The following ZSCAN2 variants were observed in gnomAD, a reference collection of about 807,000 sequenced individuals.
The protein encoded by ZSCAN2 is zinc finger and SCAN domain containing 2, also known as zinc finger and SCAN domain-containing protein 2.
Under a neutral mutation model 47.8 loss-of-function variants are expected in ZSCAN2, and 26 were observed. The ratio of observed to expected loss-of-function variants is 0.54; its 90% CI spans 0.40 to 0.75. The LOEUF is 0.75. Ranked by LOEUF, ZSCAN2 falls within the 30% of genes least tolerant of loss-of-function variation. The pLI is 0.00. For missense variants in ZSCAN2, 732 were observed against 785.4 expected, an observed-to-expected ratio of 0.93 and a Z score of 0.81; for synonymous variants, 305 against 288.7, an observed-to-expected ratio of 1.06 and a Z score of -0.57.
chr15:84,612,524 G>A (rs1345761755), intron 2 of ZSCAN2, among the ~76,000 whole-genome samples: 1 of 152,194 alleles, frequency 6.6e-6, no homozygotes, highest in Non-Finnish European at 1.5e-5. Context: ...CACGAGGTCA[G>A]GAGATCGAGA....
At chr15:84,616,452 C>G (rs1186399034) in intron 2 of ZSCAN2, 12 of 1,549,484 alleles carry the variant, frequency 7.7e-6, no homozygotes, top group Non-Finnish European at 9.6e-6. Flanking sequence ...TTTCTGAGTT[C>G]TGTTCCCTCC....
rs1555416976 is a variant in ZSCAN2, at chr15:84,614,006, T to TC, written c.407-6595dup. 6.9e-3 allele frequency among the ~76,000 whole-genome samples: 803 copies of TC among 116,150 alleles called. 52 individuals carry two copies. Among genetic ancestry groups the TC allele is most frequent in the East Asian group, 0.017 (54 of 3,146 alleles). The allele number at this position is 116,150 out of a possible 152,430, so 76.2% of individuals were successfully genotyped here. ...CTTTTTTTTTTTTTTTTTTTTTTTT[T>TC]CAGAGACAGAGTCTCACTCTGTCAC... On this transcript the variant is annotated intron_variant, in intron 2 of 2. Coordinates refer to ENST00000546148, the MANE Select transcript of ZSCAN2 (RefSeq NM_181877.4).
At chr15:84,613,598 G>T (rs1011005119) in intron 2 of ZSCAN2, among the ~76,000 whole-genome samples, 1 of 151,956 alleles carries the variant, frequency 6.6e-6, no homozygotes, top group Non-Finnish European at 1.5e-5. Flanking sequence ...GTGAGCCACT[G>T]CACCCGGCCG....
At chr15:84,601,192 A>AG (rs575389977) in intron 1 of ZSCAN2, 57 bp downstream of exon 1, 22 of 152,378 alleles carry the variant, frequency 1.4e-4, no homozygotes, top group African/African-American at 4.8e-4. Context: ...GCCCGAGGTG[A>AG]GGGAATAGTG....
chr15:84,621,045 G>C lies in ZSCAN2; in HGVS notation c.850G>C (p.Gly284Arg), dbSNP rs1895804611. ...GAAGCCCTACAAATGCAGAGACTGT[G>C]GGAAGAGCTTTAGCCGGAGTGCCAA... ...GEKPYKCRDC[G>R]KSFSRSANLI... The change falls in exon 3 of 3, where the codon GGG becomes CGG. Residue 284 changes from glycine (G) to arginine (R), a missense_variant. Physicochemically the swap from Gly to Arg is moderately radical, Grantham distance 125. Coordinates refer to ENST00000546148, the MANE Select transcript of ZSCAN2 (RefSeq NM_181877.4). This position sits in a 1 kb window ranked among gnomAD's most constrained non-coding sequence, Gnocchi z 5.7. 1 of 1,614,038 alleles carries C rather than the reference G, an allele frequency of 6.2e-7. No homozygotes were observed. Among genetic ancestry groups the C allele is most frequent in the African/African-American group, 1.3e-5 (1 of 74,924 alleles).
intron 2 of ZSCAN2, 74 bp downstream of exon 2, chr15:84,604,407 G>C: frequency 6.6e-7 from 1 of 1,517,570 alleles, no homozygotes; most frequent in Non-Finnish European, 8.8e-7. Flanking sequence ...TTTCGGAGGA[G>C]GAGAAGGTGG....
intron 2 of ZSCAN2, among the ~76,000 whole-genome samples, chr15:84,604,722 CT>C (rs983143814): frequency 3.4e-5 from 5 of 147,596 alleles, no homozygotes; most frequent in Admixed American, 1.4e-4. Context: ...TTCAACATGA[CT>C]TTTTTTTCTT....
intron 1 of ZSCAN2, among the ~76,000 whole-genome samples, chr15:84,602,510 G>A (rs1171795468): frequency 6.6e-6 from 1 of 151,560 alleles, no homozygotes; most frequent in Admixed American, 6.6e-5. Flanking sequence ...GCTCCTTTGA[G>A]CCCCTTTCCT....
chr15:84,601,872 A>G (rs944853933), intron 1 of ZSCAN2: 1 of 151,878 alleles, frequency 6.6e-6, no homozygotes, highest in Middle Eastern at 3.4e-3. Flanking sequence ...TTGCTTTTAT[A>G]ATATTTTAAG....
chr15:84,618,051 A>G (rs1347355870), intron 2 of ZSCAN2, among the ~76,000 whole-genome samples: 1 of 152,202 alleles, frequency 6.6e-6, no homozygotes, highest in African/African-American at 2.4e-5. Context: ...CATATGTAAG[A>G]GTTTATATTA....
chr15:84,605,759 G>C (rs1408169808), intron 2 of ZSCAN2, among the ~76,000 whole-genome samples: 1 of 152,230 alleles, frequency 6.6e-6, no homozygotes, highest in Non-Finnish European at 1.5e-5. Context: ...CTTGTCTTCA[G>C]GTGTGCAGTG....
At chr15:84,601,746 C>G (rs1377439179) in intron 1 of ZSCAN2, among the ~76,000 whole-genome samples, 1 of 151,942 alleles carries the variant, frequency 6.6e-6, no homozygotes, top group Non-Finnish European at 1.5e-5. Context: ...GGGTCTCACT[C>G]TGTTGCCCAG....
intron 2 of ZSCAN2, chr15:84,606,674 G>A: frequency 6.3e-7 from 1 of 1,575,220 alleles, no homozygotes; most frequent in East Asian, 2.3e-5. Flanking sequence ...GCACAGAGCA[G>A]AGGTTCAGGT....
In ZSCAN2 at chr15:84,621,248, G is replaced by A. The variant is rs1434448229; in HGVS notation, c.1053G>A (p.Thr351=). 8 of 1,613,034 alleles carry A rather than the reference G, an allele frequency of 5.0e-6. No individual in the cohort carries two copies. The highest frequency in any genetic ancestry group is 2.2e-5 in the East Asian group (1 of 44,832). Residue 351 remains threonine, a synonymous_variant, in exon 3 of 3, where the codon ACG becomes ACA. Transcript: ENST00000546148. The surrounding 1 kb of genome is among the most constrained non-coding windows in gnomAD (Gnocchi z 5.7). ...KSFGNRSSLN[T]HQGIHTGEKP... ...TTGGCAACCGATCCAGCCTTAACACGCATCAGGGGATCCACACTGGAGAAA... is the reference window on the plus strand; with the variant it reads ...TTGGCAACCGATCCAGCCTTAACACACATCAGGGGATCCACACTGGAGAAA...
rs2141804240 is a variant in ZSCAN2, at chr15:84,622,829, C to G, written c.*789C>G. The G allele has an allele frequency of 3.2e-6, 2 of 630,274 alleles. No homozygotes were observed. The highest frequency in any genetic ancestry group is 5.8e-6 in the Non-Finnish European group (2 of 345,684). The allele number at this position is 630,274 out of a possible 1,614,324, so 39.0% of individuals were successfully genotyped here. ...CAGCTACCAGGGGAACACATTTGTT[C>G]TCGTGGGGTTTTGTCCTGGAGAGTG... On this transcript the variant is annotated 3_prime_UTR_variant, in exon 3 of 3. Coordinates refer to ENST00000546148, the MANE Select transcript of ZSCAN2 (RefSeq NM_181877.4).
At chr15:84,613,531 C>G (rs932663013) in intron 2 of ZSCAN2, among the ~76,000 whole-genome samples, 1 of 152,116 alleles carries the variant, frequency 6.6e-6, no homozygotes, top group Non-Finnish European at 1.5e-5. Flanking sequence ...TAGTCTAGAA[C>G]TCCTGACCTC....
At chr15:84,612,331 T>C (rs1807491589) in intron 2 of ZSCAN2, among the ~76,000 whole-genome samples, 1 of 152,198 alleles carries the variant, frequency 6.6e-6, no homozygotes, top group African/African-American at 2.4e-5. Context: ...TTTGTAAAGA[T>C]AGGACTGGTC....
At chr15:84,609,756 T>C (rs575424923) in intron 2 of ZSCAN2, among the ~76,000 whole-genome samples, 2 of 152,184 alleles carry the variant, frequency 1.3e-5, no homozygotes, top group South Asian at 4.1e-4. Context: ...TCAGAACCAC[T>C]TCTCTATTTT....
intron 2 of ZSCAN2, among the ~76,000 whole-genome samples, chr15:84,607,649 C>T (rs1174273536): frequency 2.6e-5 from 4 of 152,216 alleles, no homozygotes; most frequent in African/African-American, 9.6e-5. Flanking sequence ...GCTGGGATTA[C>T]AGGTGCGTGC....
Sources: gnomAD v4.1 joint callset for allele counts (sites outside exome capture counted in the v4.1 genomes callset) on GRCh38, gnomAD v4.1.1 for gene constraint, Gnocchi (gnomAD v3.1) non-coding constraint, MANE v1.5 for transcripts, NCBI Gene and HGNC (gene_info 2026-07-23, HGNC 2026-07-21) for gene names.